WDR7: variants seen among roughly 807,000 people sequenced by gnomAD.
The protein encoded by WDR7 is WD repeat-containing protein 7.
A neutral mutation model predicts 169.4 loss-of-function variants in WDR7; 46 were observed. The observed-to-expected ratio is 0.27, with a 90% CI of 0.21 to 0.35. The LOEUF is 0.35. Among genes scored for constraint, WDR7 ranks in the 10% least tolerant of loss-of-function variants. The pLI is 1.00. For missense variants in WDR7, 1,534 were observed against 1,859.3 expected (o/e 0.83, Z 3.22); for synonymous variants, 612 against 666.8 (o/e 0.92, Z 1.27).
At chr18:57,013,327 C>A (rs983342754) in intron 26 of WDR7, among the ~76,000 whole-genome samples, 1 of 152,150 alleles carries the variant, frequency 6.6e-6, no homozygotes, top group Non-Finnish European at 1.5e-5. Context: ...CGGTACCAGT[C>A]CATGGTCCAG....
intron 20 of WDR7, among the ~76,000 whole-genome samples, chr18:56,877,796 A>G (rs937709659): frequency 2.6e-5 from 4 of 152,168 alleles, no homozygotes; most frequent in African/African-American, 9.7e-5. Flanking sequence ...AAAATTTGAT[A>G]AGGTCAGAAT....
intron 22 of WDR7, among the ~76,000 whole-genome samples, chr18:56,928,712 C>T (rs574922128): frequency 6.6e-6 from 1 of 152,110 alleles, no homozygotes; most frequent in South Asian, 2.1e-4. Flanking sequence ...ATGTCCTCAA[C>T]TTGTTTTAGA....
At position 57,017,683 on chromosome 18, in the gene WDR7, C is replaced by T. The variant is rs548495511; in HGVS notation, c.4165-3062C>T. Among the ~76,000 whole-genome samples, 13 of 152,190 alleles carry T rather than the reference C, an allele frequency of 8.5e-5. No individual in the cohort carries two copies. The South Asian group carries it at 2.7e-3, about 32-fold the overall frequency. ...TATTACTTGATCTACATAGAATGAG[C>T]ATAAATTTAGTTCTGAGTTTCCTGG... On this transcript the variant is annotated intron_variant, in intron 26 of 27. Coordinates refer to ENST00000254442, the MANE Select transcript of WDR7 (RefSeq NM_015285.3).
At chr18:56,688,438 C>T (rs968686081) in intron 7 of WDR7, among the ~76,000 whole-genome samples, 3 of 152,044 alleles carry the variant, frequency 2.0e-5, no homozygotes, top group Non-Finnish European at 2.9e-5. Context: ...AAAAAACAAT[C>T]TGGGCATGGT....
chr18:56,681,067 C>A (rs2025342034), intron 3 of WDR7, among the ~76,000 whole-genome samples: 1 of 152,082 alleles, frequency 6.6e-6, no homozygotes, highest in South Asian at 2.1e-4. Context: ...AAAACGGAAC[C>A]AGGAAATGCA....
chr18:56,976,727 C>T (rs2047571133), intron 26 of WDR7, among the ~76,000 whole-genome samples: 1 of 152,200 alleles, frequency 6.6e-6, no homozygotes, highest in Non-Finnish European at 1.5e-5. Flanking sequence ...AAACCCCTTT[C>T]TCTTGTCTTG....
At chr18:56,921,143 A>T (rs1170351837) in intron 21 of WDR7, among the ~76,000 whole-genome samples, 3 of 152,246 alleles carry the variant, frequency 2.0e-5, no homozygotes, top group Admixed American at 6.5e-5. Context: ...CTATTAATCA[A>T]CAAGGCTAGA....
In WDR7 at chr18:56,757,001, T is replaced by C. The variant is rs2043902035; in HGVS notation, c.2408T>C (p.Phe803Ser). Reference protein sequence around the residue: ...YNLTMDTAKLFMSCLHAWGLN... With the variant: ...YNLTMDTAKLSMSCLHAWGLN... ...TTAACTATGGACACTGCAAAGCTGT[T>C]TATGTCCTGCCTTCACGCCTGGGGT... Residue 803 changes from phenylalanine to serine, a missense_variant, in exon 15 of 28, where the codon TTT (phenylalanine) becomes TCT (serine). Transcript: ENST00000254442. 6.2e-7 allele frequency: 1 copy of C among 1,614,044 alleles called. No individual in the cohort carries two copies. Among genetic ancestry groups the C allele is most frequent in the Non-Finnish European group, 8.5e-7 (1 of 1,180,032 alleles).
chr18:56,761,866 C>G lies in WDR7; in HGVS notation c.2848+2913C>G, dbSNP rs149755971. 9.0e-3 allele frequency among the ~76,000 whole-genome samples: 1,362 copies of G among 152,024 alleles called. 22 individuals are homozygous for G. The highest frequency in any genetic ancestry group is 0.028 in the African/African-American group (1,180 of 41,512). ...TATCAAGCAATCTTGCTGAATTCAC[C>G]TATTAATTAAAATAATTTATCTGGG... On this transcript the variant is annotated intron_variant, in intron 16 of 27. Coordinates refer to ENST00000254442, the MANE Select transcript of WDR7 (RefSeq NM_015285.3).
chr18:56,909,314 T>A (rs2145594097), intron 21 of WDR7, among the ~76,000 whole-genome samples: 1 of 152,210 alleles, frequency 6.6e-6, no homozygotes, highest in East Asian at 1.9e-4. Flanking sequence ...GGAATATATC[T>A]GGATTGTCTG....
Position 56,691,706 on chromosome 18 carries a change from C to T in WDR7, c.864-9C>T, listed in dbSNP as rs1226842099. 1 of 1,598,074 alleles carries T rather than the reference C, an allele frequency of 6.3e-7. No homozygotes were observed. The highest frequency in any genetic ancestry group is 8.5e-7 in the Non-Finnish European group (1 of 1,173,358). Reference sequence around the variant, plus strand: ...TTTTAATTGAATATTGTATTTTTCCCATATTCAGTTGCCTTCCAGCTAGTG... The same window carrying T: ...TTTTAATTGAATATTGTATTTTTCCTATATTCAGTTGCCTTCCAGCTAGTG... On this transcript the variant is annotated splice_polypyrimidine_tract_variant and intron_variant, in intron 8 of 27. Transcript: ENST00000254442.
At chr18:56,954,438 A>G (rs551933249) in intron 25 of WDR7, among the ~76,000 whole-genome samples, 1 of 152,272 alleles carries the variant, frequency 6.6e-6, no homozygotes, top group South Asian at 2.1e-4. Flanking sequence ...AGCAAAAGAG[A>G]AATTTTAAAA....
intron 21 of WDR7, among the ~76,000 whole-genome samples, chr18:56,907,890 T>C (rs1568260772): frequency 6.6e-6 from 1 of 152,098 alleles, no homozygotes; most frequent in Non-Finnish European, 1.5e-5. Context: ...TTTCAACATA[T>C]GATTTTGGGA....
intron 19 of WDR7, among the ~76,000 whole-genome samples, chr18:56,814,736 C>A (rs192210836): frequency 6.6e-6 from 1 of 151,890 alleles, no homozygotes; most frequent in Non-Finnish European, 1.5e-5. Context: ...TAAACCCCCA[C>A]GACGTGCAAT....
chr18:56,703,831 G>A (rs1038937506), intron 12 of WDR7, among the ~76,000 whole-genome samples: 2 of 151,802 alleles, frequency 1.3e-5, no homozygotes, highest in African/African-American at 4.8e-5. Context: ...GTTATCAACG[G>A]TGGGAATGAT....
chr18:57,023,612 A>G (rs1325279449), intron 27 of WDR7, among the ~76,000 whole-genome samples: 2 of 152,230 alleles, frequency 1.3e-5, no homozygotes, highest in Non-Finnish European at 2.9e-5. Flanking sequence ...AGCCAAAGTT[A>G]CACTTGAGTG....
chr18:56,759,082 C>A, intron 16 of WDR7, 129 bp downstream of exon 16: 1 of 618,570 alleles, frequency 1.6e-6, no homozygotes, highest in Non-Finnish European at 2.5e-6. Flanking sequence ...TGTTATATTC[C>A]AGATGTAAAT....
intron 19 of WDR7, among the ~76,000 whole-genome samples, chr18:56,794,236 TC>T (rs35679761): frequency 0.026 from 3,969 of 151,296 alleles, 73 homozygotes; most frequent in African/African-American, 0.05. Flanking sequence ...CCCACATTAT[TC>T]CCAAAGCAGT....
At chr18:56,801,694 GA>G (rs113784326) in intron 19 of WDR7, among the ~76,000 whole-genome samples, 3,820 of 152,140 alleles carry the variant, frequency 0.025, 63 homozygotes, top group Middle Eastern at 0.092. Flanking sequence ...CATATAAATG[GA>G]ACCTAACCTG....
Sources: allele counts gnomAD v4.1 joint callset (sites outside exome capture counted in the v4.1 genomes callset), GRCh38; gene constraint gnomAD v4.1.1; transcripts MANE v1.5; gene names NCBI Gene and HGNC (gene_info 2026-07-23, HGNC 2026-07-21).